R3HDM2: variants seen among roughly 807,000 people sequenced by gnomAD.
R3HDM2 encodes R3H domain-containing protein 2.
In R3HDM2, 38 loss-of-function variants were observed where a neutral mutation model predicts 124.5. The observed-to-expected ratio is 0.31, with a 90% confidence interval of 0.24 to 0.40. The LOEUF is 0.40. Among genes scored for constraint, R3HDM2 ranks in the 10% least tolerant of loss-of-function variants. The pLI is 1.00. For missense variants in R3HDM2, 869 were observed against 1,236.9 expected (o/e 0.70, Z 4.46); for synonymous variants, 391 against 448.0 (o/e 0.87, Z 1.61).
rs193149592 is a variant in R3HDM2 at position 57,373,220 on chromosome 12, G to T, written c.-36+22529C>A. Among the ~76,000 whole-genome samples the T allele has an allele frequency of 7.2e-3, 1,097 of 152,278 alleles. 13 individuals carry two copies. Among genetic ancestry groups the T allele is most frequent in the African/African-American group, 0.025 (1,021 of 41,564 alleles). ...CTGTCTCTAAAAACAGTAATAACAA[G>T]CCGGGCGCGGTGGCTCACGCCTGTA... is the stretch of plus-strand genomic sequence containing the variant. On this transcript the variant is annotated intron_variant, in intron 2 of 23. Transcript: ENST00000402412.
chr12:57,385,974 A>G (rs2065675773), intron 2 of R3HDM2, among the ~76,000 whole-genome samples: 1 of 152,230 alleles, frequency 6.6e-6, no homozygotes, highest in Admixed American at 6.5e-5. Context: ...ATTTGAATGA[A>G]AATGCAGTTA....
intron 2 of R3HDM2, among the ~76,000 whole-genome samples, chr12:57,339,271 A>G (rs570573350): frequency 6.6e-5 from 10 of 152,200 alleles, no homozygotes; most frequent in African/African-American, 2.4e-4. Flanking sequence ...TGCTGGGATT[A>G]CAGGTGTAAG....
intron 2 of R3HDM2, among the ~76,000 whole-genome samples, chr12:57,354,830 G>T (rs2061079622): frequency 6.6e-6 from 1 of 151,856 alleles, no homozygotes; most frequent in African/African-American, 2.4e-5. Flanking sequence ...CTTTAAAAAA[G>T]AATTTTATTT....
chr12:57,408,967 CTT>C (rs1254987815), intron 1 of R3HDM2, among the ~76,000 whole-genome samples: 1 of 151,918 alleles, frequency 6.6e-6, no homozygotes, highest in Non-Finnish European at 1.5e-5. Context: ...TGACTTCTCT[CTT>C]ATTTTGTATC....
intron 1 of R3HDM2, among the ~76,000 whole-genome samples, chr12:57,397,023 A>G (rs991769081): frequency 1.1e-4 from 16 of 151,908 alleles, no homozygotes; most frequent in African/African-American, 3.6e-4. Context: ...AACCCAGGAG[A>G]CAGAAATTGC....
At chr12:57,280,581 CATT>C in intron 13 of R3HDM2, 51 bp from the exon 14 acceptor site, 1 of 1,493,268 alleles carries the variant, frequency 6.7e-7, no homozygotes. Context: ...GCCACGAACA[CATT>C]ATCCCTGGAA....
intron 14 of R3HDM2, chr12:57,272,461 A>G (rs1390492477): frequency 6.5e-7 from 1 of 1,550,108 alleles, no homozygotes; most frequent in East Asian, 2.4e-5. Context: ...ACCATGTTGT[A>G]CTGCTGGGGC....
At chr12:57,394,190 G>A (rs984409416) in intron 2 of R3HDM2, among the ~76,000 whole-genome samples, 4 of 151,852 alleles carry the variant, frequency 2.6e-5, no homozygotes, top group African/African-American at 7.3e-5. Context: ...CCAGCCACTC[G>A]AGAGGCTGTT....
intron 2 of R3HDM2, among the ~76,000 whole-genome samples, chr12:57,353,206 CA>C: frequency 6.6e-6 from 1 of 152,150 alleles, no homozygotes; most frequent in East Asian, 1.9e-4. Context: ...CTACAGACTG[CA>C]AGTTTTTTTG....
chr12:57,426,175 C>T (rs1410061129), intron 1 of R3HDM2, among the ~76,000 whole-genome samples: 1 of 152,054 alleles, frequency 6.6e-6, no homozygotes, highest in Non-Finnish European at 1.5e-5. Context: ...TTGCAGTGAG[C>T]CAAGATCACA....
Position 57,254,791 on chromosome 12 carries a change from C to T in R3HDM2, c.2955G>A (p.Glu985=). 6.3e-7 allele frequency: 1 copy of T among 1,577,290 alleles called. No individual in the cohort carries two copies. Among genetic ancestry groups the T allele is most frequent in the South Asian group, 1.2e-5 (1 of 86,104 alleles). The change falls in exon 24 of 24, where the codon GAG becomes GAA. Residue 985 remains glutamate, a synonymous_variant. Transcript: ENST00000402412. ...CCTCCATTTATTGGGAGCTGGCTCGCTCCAGGATCCTCAGGTCATAGTTCT... is the reference window on the plus strand; with the variant it reads ...CCTCCATTTATTGGGAGCTGGCTCGTTCCAGGATCCTCAGGTCATAGTTCT... ...AKKNYDLRIL[E]RASSQ
rs746487037 is a variant in R3HDM2, at chr12:57,256,424, G to A, written c.2537C>T (p.Thr846Met). 3.1e-5 allele frequency: 49 copies of A among 1,586,436 alleles called. No individual in the cohort carries two copies. The East Asian group carries it at 5.2e-4, about 17-fold the overall frequency. Residue 846 changes from threonine (T) to methionine (M), a missense_variant, in exon 22 of 24, where the codon ACG becomes ATG. Physicochemically the swap from Thr to Met is moderately conservative, Grantham distance 81. This residue lies in a region of R3HDM2 where 602 missense variants were observed against 789.2 expected (regional missense o/e 0.76). Coordinates refer to ENST00000402412, the MANE Select transcript of R3HDM2 (RefSeq NM_001394031.1). ...GGTGGACACCCTTACCTGGTGCACC[G>A]TGTAAGTTGACTGGCCATGGAGCAA... is the stretch of plus-strand genomic sequence containing the variant. ...PPLLHGQSTYTVHQGQSGLKH... is the reference protein window; with the variant it reads ...PPLLHGQSTYMVHQGQSGLKH...
intron 14 of R3HDM2, chr12:57,272,402 C>T: frequency 1.4e-6 from 2 of 1,440,270 alleles, no homozygotes; most frequent in Non-Finnish European, 9.6e-7. Context: ...GACATACCTA[C>T]AGATACAGGC....
intron 2 of R3HDM2, among the ~76,000 whole-genome samples, chr12:57,349,150 G>A (rs2060385311): frequency 6.6e-6 from 1 of 152,012 alleles, no homozygotes; most frequent in Admixed American, 6.6e-5. Context: ...GGAGGCTGAG[G>A]CGGGCAGATC....
At chr12:57,307,072 A>T (rs2052778259) in intron 3 of R3HDM2, among the ~76,000 whole-genome samples, 1 of 152,194 alleles carries the variant, frequency 6.6e-6, no homozygotes, top group Admixed American at 6.5e-5. Flanking sequence ...TGCCCATTCT[A>T]AACAGAATCT....
intron 2 of R3HDM2, among the ~76,000 whole-genome samples, chr12:57,356,717 T>C (rs1211509133): frequency 6.6e-6 from 1 of 152,252 alleles, no homozygotes; most frequent in African/African-American, 2.4e-5. Flanking sequence ...GTTTTTAAAC[T>C]ATAATTTCTC....
chr12:57,430,104 A>C (rs932617759), intron 1 of R3HDM2, among the ~76,000 whole-genome samples: 1 of 152,214 alleles, frequency 6.6e-6, no homozygotes, highest in Non-Finnish European at 1.5e-5. Context: ...TCTCATCATT[A>C]TCCAATGACA....
At chr12:57,380,053 T>C (rs1181299318) in intron 2 of R3HDM2, among the ~76,000 whole-genome samples, 2 of 152,190 alleles carry the variant, frequency 1.3e-5, no homozygotes, top group Non-Finnish European at 2.9e-5. Context: ...TTAACTAAGT[T>C]GTACTGAAGC....
At chr12:57,402,818 A>G (rs545477041) in intron 1 of R3HDM2, among the ~76,000 whole-genome samples, 3 of 152,252 alleles carry the variant, frequency 2.0e-5, no homozygotes, top group Admixed American at 6.5e-5. Flanking sequence ...TGGCCTCCCA[A>G]AATGCTGGGA....
Sources: gnomAD v4.1 joint callset for allele counts (sites outside exome capture counted in the v4.1 genomes callset) on GRCh38, gnomAD v4.1.1 for gene constraint, gnomAD v4.1.1 regional missense constraint, MANE v1.5 for transcripts, NCBI Gene and HGNC (gene_info 2026-07-23, HGNC 2026-07-21) for gene names.